NCAPH: variants seen among roughly 807,000 people sequenced by gnomAD.
The protein encoded by NCAPH is condensin complex subunit 2.
A neutral mutation model predicts 85.5 loss-of-function variants in NCAPH; 38 were observed. That is an observed-to-expected ratio of 0.44 (90% CI 0.34 to 0.58). The LOEUF is 0.58. Ranked by LOEUF, NCAPH falls within the 20% of genes least tolerant of loss-of-function variation. The probability of loss-of-function intolerance (pLI) is 0.01; values close to 1 mark genes in which losing one functional copy is unlikely to be tolerated. For missense variants in NCAPH, 789 were observed against 916.6 expected (o/e 0.86, Z 1.80); for synonymous variants, 301 against 335.1 (o/e 0.90, Z 1.11).
intron 6 of NCAPH, among the ~76,000 whole-genome samples, chr2:96,349,582 A>G (rs992170892): frequency 3.3e-5 from 5 of 152,072 alleles, no homozygotes; most frequent in Non-Finnish European, 7.4e-5. Flanking sequence ...GGATTTTGCC[A>G]TGTTGGCCAT....
At chr2:96,336,272 T>C (rs2064213506) in intron 1 of NCAPH, among the ~76,000 whole-genome samples, 1 of 152,262 alleles carries the variant, frequency 6.6e-6, no homozygotes, top group Admixed American at 6.5e-5. Context: ...TTTTTGCATC[T>C]ATTCAAAAGT....
At chr2:96,369,187 T>A in intron 16 of NCAPH, 124 bp downstream of exon 16, 1 of 1,069,908 alleles carries the variant, frequency 9.3e-7, no homozygotes, top group Non-Finnish European at 1.3e-6. Flanking sequence ...TTTCTCTCTG[T>A]GTTGACAGAT....
At chr2:96,354,779 A>G (rs1558796574) in intron 9 of NCAPH, among the ~76,000 whole-genome samples, 2 of 152,206 alleles carry the variant, frequency 1.3e-5, no homozygotes. Flanking sequence ...CGGCTTAGCC[A>G]CTTTGGTTAT....
intron 6 of NCAPH, among the ~76,000 whole-genome samples, chr2:96,349,294 A>C (rs2064404545): frequency 1.3e-5 from 2 of 152,190 alleles, no homozygotes; most frequent in South Asian, 4.1e-4. Context: ...GTAAACTTGT[A>C]ATCATCAAGA....
Position 96,342,145 on chromosome 2 carries a change from G to C in NCAPH, c.363+5G>C, listed in dbSNP as rs1240640313. On this transcript the variant is annotated splice_donor_5th_base_variant and intron_variant, in intron 3 of 17. Coordinates refer to ENST00000240423, the MANE Select transcript of NCAPH (RefSeq NM_015341.5). Reference sequence around the variant, plus strand: ...ATCAAACTGTCCACTGAAAATGTGAGTATTTGCTGGTTTATTATTGAAGAC... The same window carrying C: ...ATCAAACTGTCCACTGAAAATGTGACTATTTGCTGGTTTATTATTGAAGAC... 1 of 1,590,586 alleles carries C rather than the reference G, an allele frequency of 6.3e-7. No individual in the cohort carries two copies. The highest frequency in any genetic ancestry group is 8.6e-7 in the Non-Finnish European group (1 of 1,158,502).
chr2:96,360,514 A>G (rs1295670963), intron 11 of NCAPH, 74 bp from the exon 12 acceptor site: 34 of 1,555,610 alleles, frequency 2.2e-5, no homozygotes, highest in Non-Finnish European at 8.8e-7. Flanking sequence ...CCCTTCCCAG[A>G]CTGCTTTAAA....
At chr2:96,339,473 T>G (rs998071102) in intron 1 of NCAPH, among the ~76,000 whole-genome samples, 1 of 151,574 alleles carries the variant, frequency 6.6e-6, no homozygotes, top group Non-Finnish European at 1.5e-5. Flanking sequence ...GCGCCTGTAG[T>G]CCCAGCTACT....
chr2:96,343,741 C>T (rs1436816910), intron 5 of NCAPH, among the ~76,000 whole-genome samples: 1 of 150,882 alleles, frequency 6.6e-6, no homozygotes, highest in African/African-American at 2.4e-5. Flanking sequence ...CACTTTGTCA[C>T]CCAGGCTGGT....
intron 9 of NCAPH, among the ~76,000 whole-genome samples, chr2:96,355,132 C>A (rs554714581): frequency 6.6e-6 from 1 of 152,222 alleles, no homozygotes; most frequent in South Asian, 2.1e-4. Flanking sequence ...TTTTTGATTA[C>A]CCTAGTAAAC....
At chr2:96,360,467 G>C (rs1263260959) in intron 11 of NCAPH, 121 bp from the exon 12 acceptor site, 2 of 1,188,430 alleles carry the variant, frequency 1.7e-6, no homozygotes, top group Non-Finnish European at 2.4e-6. Context: ...TTTTTACATA[G>C]AACTGTGAGA....
At chr2:96,341,380 A>G (rs2064292030) in intron 1 of NCAPH, 1 of 439,854 alleles carries the variant, frequency 2.3e-6, no homozygotes, top group African/African-American at 2.0e-5. Flanking sequence ...ATCCATTTTT[A>G]TATCCATGCA....
chr2:96,364,478 T>C lies in NCAPH; in HGVS notation c.1588-3T>C, dbSNP rs1379905691. 1 of 1,572,390 alleles carries C rather than the reference T, an allele frequency of 6.4e-7. No homozygotes were observed. Among genetic ancestry groups the C allele is most frequent in the East Asian group, 2.2e-5 (1 of 44,682 alleles). ...AGCTTTCTGCATTTATTCTTTCCTT[T>C]AGTTACTTAAGATGGCCCAGGGCCA... On this transcript the variant is annotated splice_polypyrimidine_tract_variant and splice_region_variant and intron_variant, in intron 12 of 17. Coordinates refer to ENST00000240423, the MANE Select transcript of NCAPH (RefSeq NM_015341.5).
At chr2:96,362,102 T>C (rs1451278309) in intron 12 of NCAPH, among the ~76,000 whole-genome samples, 2 of 152,054 alleles carry the variant, frequency 1.3e-5, no homozygotes, top group Admixed American at 6.6e-5. Flanking sequence ...CAATATTGTT[T>C]ACTTCAATAG....
intron 1 of NCAPH, among the ~76,000 whole-genome samples, chr2:96,340,783 CTTTTTT>C (rs745890722): frequency 8.1e-6 from 1 of 124,076 alleles, no homozygotes; most frequent in Non-Finnish European, 1.8e-5. Flanking sequence ...CATGTCCGGC[CTTTTTT>C]TTTTTTTTTT....
intron 12 of NCAPH, among the ~76,000 whole-genome samples, chr2:96,361,806 G>A (rs371526910): frequency 3.9e-5 from 3 of 76,776 alleles, no homozygotes; most frequent in Admixed American, 1.6e-4. Flanking sequence ...ATATATATGT[G>A]TATATATATA....
rs2064569120 is a variant in NCAPH, at chr2:96,359,119, A to G, written c.1283A>G (p.Tyr428Cys). ...CPLLSMKPGE[Y>C]SYFSPRTMSM... Reference sequence around the variant, plus strand: ...CTTCTGTCTATGAAACCTGGAGAATATTCTTATTTCAGTCCTCGGACCATG... The same window carrying G: ...CTTCTGTCTATGAAACCTGGAGAATGTTCTTATTTCAGTCCTCGGACCATG... Residue 428 changes from tyrosine (Y) to cysteine (C), a missense_variant, in exon 10 of 18, where the codon TAT (tyrosine) becomes TGT (cysteine). Transcript: ENST00000240423. 1 of 1,614,054 alleles carries G rather than the reference A, an allele frequency of 6.2e-7. No homozygotes were observed. Among genetic ancestry groups the G allele is most frequent in the African/African-American group, 1.3e-5 (1 of 74,906 alleles).
chr2:96,363,692 C>T (rs1375726001), intron 12 of NCAPH, among the ~76,000 whole-genome samples: 1 of 152,102 alleles, frequency 6.6e-6, no homozygotes, highest in African/African-American at 2.4e-5. Context: ...CCTCATTCCA[C>T]GAGGCTCTGG....
rs960935180 is a variant in NCAPH at position 96,343,296 on chromosome 2, A to G, written c.587A>G (p.His196Arg). ...DAPSLEEVEG[H>R]VADGSATEMG... ...CCGTCTTTGGAAGAAGTAGAAGGCC[A>G]TGTTGCTGGTAGGTGGGTAGGGATC... The change falls in exon 5 of 18, where the codon CAT (histidine) becomes CGT (arginine). Residue 196 changes from histidine to arginine, a missense_variant. Physicochemically the swap from His to Arg is conservative, Grantham distance 29 (BLOSUM62 0). Transcript: ENST00000240423. The G allele has an allele frequency of 5.0e-6, 8 of 1,612,240 alleles. No individual in the cohort carries two copies. Among genetic ancestry groups the G allele is most frequent in the African/African-American group, 4.0e-5 (3 of 74,984 alleles).
Position 96,375,974 on chromosome 2 carries a change from C to T in NCAPH, c.*2623C>T, listed in dbSNP as rs1418111008. 2.0e-5 allele frequency among the ~76,000 whole-genome samples: 3 copies of T among 152,276 alleles called. No homozygotes were observed. Among genetic ancestry groups the T allele is most frequent in the Admixed American group, 6.5e-5 (1 of 15,286 alleles). On this transcript the variant is annotated 3_prime_UTR_variant, in exon 18 of 18. Transcript: ENST00000240423. ...GGCTCCCACCAGATATGGACTCAAC[C>T]TGGGACTTTTCAGCCTCCATAACTG...
Sources: gnomAD v4.1 joint callset for allele counts (sites outside exome capture counted in the v4.1 genomes callset) on GRCh38, gnomAD v4.1.1 for gene constraint, MANE v1.5 for transcripts, NCBI Gene and HGNC (gene_info 2026-07-23, HGNC 2026-07-21) for gene names.